SH3PXD2B: variants seen among roughly 807,000 people sequenced by gnomAD.
SH3PXD2B encodes the protein SH3 and PX domain-containing protein 2B.
A neutral mutation model predicts 73.1 loss-of-function variants in SH3PXD2B; 37 were observed. The observed-to-expected ratio is 0.51, with a 90% CI of 0.39 to 0.67. SH3PXD2B has a LOEUF of 0.67. SH3PXD2B is among the 30% of genes least tolerant of loss of function. SH3PXD2B has a pLI of 0.00. For missense variants in SH3PXD2B, 1,053 were observed against 1,197.8 expected (o/e 0.88, Z 1.78); for synonymous variants, 457 against 480.5 (o/e 0.95, Z 0.64).
intron 1 of SH3PXD2B, among the ~76,000 whole-genome samples, chr5:172,434,598 T>G (rs528253026): frequency 6.6e-6 from 1 of 152,272 alleles, no homozygotes; most frequent in African/African-American, 2.4e-5. Context: ...TAGTAAAATC[T>G]CTGAGGCATG....
chr5:172,424,741 G>A (rs948889567), intron 1 of SH3PXD2B, among the ~76,000 whole-genome samples: 52 of 152,190 alleles, frequency 3.4e-4, no homozygotes, highest in Admixed American at 7.9e-4. Context: ...AGAAGCTCTG[G>A]ACTCACACAA....
At chr5:172,350,226 G>A (rs1757127934) in intron 10 of SH3PXD2B, 137 bp downstream of exon 10, 1 of 791,514 alleles carries the variant, frequency 1.3e-6, no homozygotes, top group Non-Finnish European at 2.0e-6. Flanking sequence ...CGGGGTTTCT[G>A]GGCCTCTGTT....
Position 172,334,995 on chromosome 5 carries a change from G to A in SH3PXD2B, c.*3374C>T. 4.1e-6 allele frequency: 4 copies of A among 985,456 alleles called. No homozygotes were observed. Among genetic ancestry groups the A allele is most frequent in the Non-Finnish European group, 4.8e-6 (4 of 829,950 alleles). 61.0% of individuals were successfully genotyped at this position (985,456 alleles called of 1,614,324 possible). On this transcript the variant is annotated 3_prime_UTR_variant, in exon 13 of 13. Transcript: ENST00000311601. Reference sequence around the variant, plus strand: ...TGGGCTCCAGCGATCCCCCAGTAGGGAAGGGCCATTAAAAGCGGTTTAAGC... The same window carrying A: ...TGGGCTCCAGCGATCCCCCAGTAGGAAAGGGCCATTAAAAGCGGTTTAAGC...
In SH3PXD2B at chr5:172,403,998, G is replaced by A. The variant is rs187710853; in HGVS notation, c.232+2279C>T. ...TAGTCTGTTTGACTCTGAAGCACAC[G>A]CTTTGGAGCGCTGACATTTGGCTGC... On this transcript the variant is annotated intron_variant, in intron 3 of 12. Coordinates refer to ENST00000311601, the MANE Select transcript of SH3PXD2B (RefSeq NM_001017995.3). 5.9e-5 allele frequency among the ~76,000 whole-genome samples: 9 copies of A among 152,352 alleles called. No homozygotes were observed. In the South Asian group the frequency reaches 6.2e-4, roughly 11 times the overall value.
chr5:172,410,272 G>C (rs971751907), intron 2 of SH3PXD2B, among the ~76,000 whole-genome samples: 2 of 152,186 alleles, frequency 1.3e-5, no homozygotes, highest in African/African-American at 2.4e-5. Flanking sequence ...CTGTGTGTAA[G>C]AGTTCCCTTT....
chr5:172,362,989 A>C, intron 6 of SH3PXD2B, 120 bp from the exon 7 acceptor site: 1 of 1,304,358 alleles, frequency 7.7e-7, no homozygotes, highest in Non-Finnish European at 1.1e-6. Flanking sequence ...TACAGGACTC[A>C]TCTCAAGGGT....
In SH3PXD2B at chr5:172,421,631, A is replaced by T. The variant is rs936702562; in HGVS notation, c.156+785T>A. On this transcript the variant is annotated intron_variant, in intron 2 of 12. Coordinates refer to ENST00000311601, the MANE Select transcript of SH3PXD2B (RefSeq NM_001017995.3). This position sits in a 1 kb window ranked among gnomAD's most constrained non-coding sequence, Gnocchi z 4.0. ...GAACAAAGGCAAGGTTTCCTAGGGG[A>T]TGAGAGTCCTGAAGGGCAGAAGGGG... Among the ~76,000 whole-genome samples, 4 of 152,102 alleles carry T rather than the reference A, an allele frequency of 2.6e-5. No individual in the cohort carries two copies. The highest frequency in any genetic ancestry group is 2.6e-4 in the Admixed American group (4 of 15,266).
At chr5:172,439,690 G>A (rs62387193) in intron 1 of SH3PXD2B, among the ~76,000 whole-genome samples, 31,601 of 110,906 alleles carry the variant, frequency 0.28, 4,117 homozygotes, top group Non-Finnish European at 0.35. Flanking sequence ...GCGCACGCGC[G>A]CGCACACACA....
chr5:172,327,725 A>T (rs1756470760), intron 12 of SH3PXD2B, among the ~76,000 whole-genome samples: 1 of 150,026 alleles, frequency 6.7e-6, no homozygotes, highest in African/African-American at 2.5e-5. Context: ...AGTATCTGGA[A>T]CTACGGGTGC....
At chr5:172,381,501 C>T (rs752177552) in intron 5 of SH3PXD2B, among the ~76,000 whole-genome samples, 1 of 152,124 alleles carries the variant, frequency 6.6e-6, no homozygotes, top group Admixed American at 6.5e-5. Flanking sequence ...GGCTGTGTAG[C>T]GACAGGCGTC....
intron 12 of SH3PXD2B, among the ~76,000 whole-genome samples, chr5:172,343,428 C>T (rs1013964078): frequency 5.9e-5 from 9 of 152,224 alleles, no homozygotes; most frequent in Admixed American, 3.9e-4. Flanking sequence ...AAGCTCTGAA[C>T]ATGTGTGTTC....
At chr5:172,361,536 C>T (rs1056733365) in intron 7 of SH3PXD2B, among the ~76,000 whole-genome samples, 2 of 152,204 alleles carry the variant, frequency 1.3e-5, no homozygotes, top group African/African-American at 4.8e-5. Flanking sequence ...TTCCTGCAAG[C>T]TGGGGGCCCA....
downstream of SH3PXD2B, among the ~76,000 whole-genome samples, chr5:172,329,079 A>ATTTTTTTTTTTT (rs1386540665): frequency 1.6e-5 from 1 of 64,504 alleles, no homozygotes; most frequent in African/African-American, 6.3e-5. Flanking sequence ...ATATATATAT[A>ATTTTTTTTTTTT]TATATTTTTT....
At chr5:172,366,597 A>C (rs1348267034) in intron 6 of SH3PXD2B, among the ~76,000 whole-genome samples, 1 of 152,006 alleles carries the variant, frequency 6.6e-6, no homozygotes, top group African/African-American at 2.4e-5. Flanking sequence ...ACCAGCCTTG[A>C]CCCTGCAATT....
chr5:172,411,011 CA>C (rs1289791138), intron 2 of SH3PXD2B, among the ~76,000 whole-genome samples: 2 of 152,176 alleles, frequency 1.3e-5, no homozygotes, highest in Admixed American at 6.5e-5. Flanking sequence ...CACGTGAACA[CA>C]AAAGTCAGCC....
Position 172,348,637 on chromosome 5 carries a change from TGTATCTATCTATCTATC to T in SH3PXD2B, c.1013-1322_1013-1306del, listed in dbSNP as rs1255607159. ...CTGAATCTATCTATGTATCTATCTA[TGTATCTATCTATCTATC>T]CTATCTATCTATCTATCTATCTATC... is the stretch of plus-strand genomic sequence containing the variant. On this transcript the variant is annotated intron_variant, in intron 10 of 12. Transcript: ENST00000311601. Among the ~76,000 whole-genome samples the T allele has an allele frequency of 3.3e-3, 219 of 67,248 alleles. 2 individuals carry two copies. The highest frequency in any genetic ancestry group is 0.013 in the African/African-American group (145 of 11,192). The allele number at this position is 67,248 out of a possible 152,430, so 44.1% of individuals were successfully genotyped here.
chr5:172,431,157 G>T (rs1023613496), intron 1 of SH3PXD2B, among the ~76,000 whole-genome samples: 3 of 152,144 alleles, frequency 2.0e-5, no homozygotes, highest in African/African-American at 7.2e-5. Context: ...GTGAGCCACC[G>T]CGCCCAGGCT....
intron 12 of SH3PXD2B, among the ~76,000 whole-genome samples, chr5:172,327,217 G>A (rs747391573): frequency 6.6e-6 from 1 of 152,106 alleles, no homozygotes; most frequent in African/African-American, 2.4e-5. Context: ...ATTATTATGC[G>A]CTATTAGAAG....
At chr5:172,354,925 G>A (rs1757237867) in intron 8 of SH3PXD2B, among the ~76,000 whole-genome samples, 2 of 152,214 alleles carry the variant, frequency 1.3e-5, no homozygotes, top group Non-Finnish European at 2.9e-5. Context: ...GCCCTGGAGG[G>A]CCTGGGCTCG....
Sources: allele counts gnomAD v4.1 joint callset (sites outside exome capture counted in the v4.1 genomes callset), GRCh38; gene constraint gnomAD v4.1.1; non-coding constraint Gnocchi (gnomAD v3.1); transcripts MANE v1.5; gene names NCBI Gene and HGNC (gene_info 2026-07-23, HGNC 2026-07-21).